The following MAGI1 variants were observed in gnomAD, a reference collection of about 807,000 sequenced individuals.
MAGI1 encodes the protein membrane associated guanylate kinase, WW and PDZ domain containing 1, also known as membrane-associated guanylate kinase, WW and PDZ domain-containing protein 1.
In MAGI1, 58 loss-of-function variants were observed where a neutral mutation model predicts 139.9. The ratio of observed to expected loss-of-function variants is 0.41; its 90% CI spans 0.34 to 0.52. The LOEUF (loss-of-function observed/expected upper bound fraction) is 0.52, where lower values mean the gene tolerates loss of function less well. Ranked by LOEUF, MAGI1 falls within the 20% of genes least tolerant of loss-of-function variation. The probability of loss-of-function intolerance (pLI) is 0.12; values close to 1 mark genes in which losing one functional copy is unlikely to be tolerated. For synonymous variants in MAGI1, 812 were observed against 737.9 expected (o/e 1.10, Z -1.63); for missense variants, 1,874 against 1,901.6 (o/e 0.99, Z 0.27).
At chr3:65,851,486 C>A (rs754059177) in intron 1 of MAGI1, among the ~76,000 whole-genome samples, 15 of 152,092 alleles carry the variant, frequency 9.9e-5, no homozygotes, top group Non-Finnish European at 1.8e-4. Flanking sequence ...CGGTGGCTCA[C>A]GCCTCTAATC....
chr3:65,356,458 C>A lies in MAGI1; in HGVS notation c.4309G>T (p.Asp1437Tyr). 6.2e-7 allele frequency: 1 copy of A among 1,612,008 alleles called. No individual in the cohort carries two copies. Among genetic ancestry groups the A allele is most frequent in the Non-Finnish European group, 8.5e-7 (1 of 1,179,914 alleles). The change falls in exon 23 of 23, where the codon GAT (aspartate) becomes TAT (tyrosine). Residue 1437 changes from aspartate to tyrosine, a missense_variant. By Grantham distance (160) the Asp-to-Tyr change is radical. This residue lies in a region of MAGI1 where 653 missense variants were observed against 644.5 expected (regional missense o/e 1.01). Transcript: ENST00000402939. ...GGATGTCTGGAACTTCTGCCGGCATCCTGTTTCAGATTCGCCTCTTCCCTT... is the reference window on the plus strand; with the variant it reads ...GGATGTCTGGAACTTCTGCCGGCATACTGTTTCAGATTCGCCTCTTCCCTT... ...REREEANLKQDAGRSSRHPPE... is the reference protein window; with the variant it reads ...REREEANLKQYAGRSSRHPPE...
At chr3:65,470,597 A>G (rs1950502403) in intron 4 of MAGI1, 113 bp from the exon 5 acceptor site, 1 of 630,484 alleles carries the variant, frequency 1.6e-6, no homozygotes, top group South Asian at 2.1e-5. Flanking sequence ...CTATATTCTT[A>G]AATGCTCTTA....
intron 1 of MAGI1, among the ~76,000 whole-genome samples, chr3:66,021,830 C>T (rs1329651049): frequency 1.3e-5 from 2 of 152,118 alleles, no homozygotes; most frequent in African/African-American, 2.4e-5. Context: ...AGCCACGCCC[C>T]GGTGACTATA....
At chr3:65,569,747 T>A (rs2080857000) in intron 2 of MAGI1, among the ~76,000 whole-genome samples, 1 of 151,868 alleles carries the variant, frequency 6.6e-6, no homozygotes, top group African/African-American at 2.4e-5. Context: ...CATGATGGCA[T>A]GCGCCTGTAG....
At chr3:65,621,865 C>A in intron 2 of MAGI1, 107 bp downstream of exon 2, 1 of 739,928 alleles carries the variant, frequency 1.4e-6, no homozygotes, top group South Asian at 1.8e-5. Flanking sequence ...GTAGGCCAAC[C>A]ACCAGGTGTT....
chr3:65,375,281 C>T (rs141593631), intron 18 of MAGI1, among the ~76,000 whole-genome samples: 9,920 of 151,734 alleles, frequency 0.065, 635 homozygotes, highest in East Asian at 0.38. Context: ...CTCCGCCTCC[C>T]GGGTTCACAC....
Position 65,361,225 on chromosome 3 carries a change from C to G in MAGI1, c.3608G>C (p.Arg1203Pro), listed in dbSNP as rs202003931. ...GGRRVRLFLKRGDGSVPEYDP... is the reference protein window; with the variant it reads ...GGRRVRLFLKPGDGSVPEYDP... ...ATATTCTGGTACTGAGCCGTCTCCC[C>G]GCTTCAGAAACAGACGAACTCTGCG... is the stretch of plus-strand genomic sequence containing the variant. Residue 1203 changes from arginine to proline, a missense_variant, in exon 22 of 23, where the codon CGG becomes CCG. This residue lies in a region of MAGI1 where 653 missense variants were observed against 644.5 expected (regional missense o/e 1.01). Coordinates refer to ENST00000402939, the MANE Select transcript of MAGI1 (RefSeq NM_001033057.2). The G allele has an allele frequency of 6.2e-7, 1 of 1,614,092 alleles. No homozygotes were observed. The highest frequency in any genetic ancestry group is 8.5e-7 in the Non-Finnish European group (1 of 1,179,988).
intron 1 of MAGI1, among the ~76,000 whole-genome samples, chr3:65,992,947 C>T (rs1273881475): frequency 4.6e-5 from 7 of 152,102 alleles, no homozygotes; most frequent in African/African-American, 7.2e-5. Context: ...GCCTCAGCCT[C>T]CTGAGTAGAT....
chr3:65,859,229 T>C (rs758782440), intron 1 of MAGI1, among the ~76,000 whole-genome samples: 40 of 145,878 alleles, frequency 2.7e-4, no homozygotes, highest in Non-Finnish European at 4.1e-4. Context: ...GCTACTCAGG[T>C]GGCTGAGGTG....
In MAGI1 at chr3:65,365,863, T is replaced by C. The variant is rs377631341; in HGVS notation, c.3197-917A>G. Among the ~76,000 whole-genome samples the C allele has an allele frequency of 8.5e-5, 13 of 152,262 alleles. No homozygotes were observed. The East Asian group carries it at 2.1e-3, about 25-fold the overall frequency. On this transcript the variant is annotated intron_variant, in intron 18 of 22. Coordinates refer to ENST00000402939, the MANE Select transcript of MAGI1 (RefSeq NM_001033057.2). ...ATTATATGGGAAAATATGTTAACTA[T>C]TCCAAACTGAGATACCTATAATATA...
At chr3:65,457,455 T>A (rs1004194744) in intron 5 of MAGI1, among the ~76,000 whole-genome samples, 3 of 152,184 alleles carry the variant, frequency 2.0e-5, no homozygotes, top group Non-Finnish European at 4.4e-5. Flanking sequence ...ATGTACATGT[T>A]TAAGTATATC....
At chr3:65,580,814 T>C (rs2108122124) in intron 2 of MAGI1, among the ~76,000 whole-genome samples, 1 of 152,240 alleles carries the variant, frequency 6.6e-6, no homozygotes, top group South Asian at 2.1e-4. Flanking sequence ...TGCACACCGG[T>C]TTCCACACAT....
intron 2 of MAGI1, among the ~76,000 whole-genome samples, chr3:65,536,332 G>C (rs1480589241): frequency 6.6e-6 from 1 of 152,118 alleles, no homozygotes; most frequent in Non-Finnish European, 1.5e-5. Context: ...CAGGAAACCT[G>C]CATGGGATAA....
chr3:65,386,388 C>A (rs1943452958), intron 14 of MAGI1, among the ~76,000 whole-genome samples: 1 of 152,164 alleles, frequency 6.6e-6, no homozygotes, highest in African/African-American at 2.4e-5. Flanking sequence ...AAAACACAGA[C>A]ATAAACGTCG....
At chr3:65,379,681 G>A in intron 16 of MAGI1, 127 bp from the exon 17 acceptor site, 1 of 1,437,360 alleles carries the variant, frequency 7.0e-7, no homozygotes, top group Non-Finnish European at 9.3e-7. Context: ...ACAGCACCTG[G>A]TTTCACAATA....
chr3:65,509,666 C>G (rs1389185283), intron 2 of MAGI1, among the ~76,000 whole-genome samples: 4 of 152,180 alleles, frequency 2.6e-5, no homozygotes, highest in Non-Finnish European at 5.9e-5. Flanking sequence ...CCCACGGAAT[C>G]TCGCTGATTG....
chr3:65,876,897 C>T (rs1486104624), intron 1 of MAGI1, among the ~76,000 whole-genome samples: 2 of 151,950 alleles, frequency 1.3e-5, no homozygotes, highest in Non-Finnish European at 2.9e-5. Flanking sequence ...GCACCTGCCA[C>T]CACGCCCAGC....
intron 12 of MAGI1, among the ~76,000 whole-genome samples, chr3:65,412,055 T>C (rs561825531): frequency 3.2e-4 from 48 of 152,306 alleles, no homozygotes; most frequent in Admixed American, 1.8e-3. Context: ...TGGCTCCATG[T>C]CCCTATGGCT....
intron 2 of MAGI1, among the ~76,000 whole-genome samples, chr3:65,508,179 A>G (rs955305569): frequency 2.0e-4 from 30 of 151,908 alleles, no homozygotes; most frequent in African/African-American, 6.5e-4. Context: ...CGAGGCGGGC[A>G]GATCACAAGG....
Sources: gnomAD v4.1 joint callset for allele counts (sites outside exome capture counted in the v4.1 genomes callset) on GRCh38, gnomAD v4.1.1 for gene constraint, gnomAD v4.1.1 regional missense constraint, MANE v1.5 for transcripts, NCBI Gene and HGNC (gene_info 2026-07-23, HGNC 2026-07-21) for gene names.